UMODL1: variants seen among roughly 807,000 people sequenced by gnomAD.
The protein encoded by UMODL1 is uromodulin like 1.
Under a neutral mutation model 136.3 loss-of-function variants are expected in UMODL1, and 128 were observed. The observed-to-expected ratio is 0.94, with a 90% CI of 0.81 to 1.09. The LOEUF is 1.09. UMODL1 is among the 50% of genes least tolerant of loss of function. The pLI, the probability that UMODL1 is intolerant of heterozygous loss-of-function variation, is 0.00. For synonymous variants in UMODL1, 721 were observed against 720.0 expected (o/e 1.00, Z -0.02); for missense variants, 1,766 against 1,725.6 (o/e 1.02, Z -0.41).
In UMODL1 at chr21:42,127,686, A is replaced by AC; in HGVS notation, c.3546dup (p.Thr1183HisfsTer7). 6.2e-7 allele frequency: 1 copy of AC among 1,613,910 alleles called. No individual in the cohort carries two copies. The highest frequency in any genetic ancestry group is 8.5e-7 in the Non-Finnish European group (1 of 1,179,962). ...TCTCTTCTCAGCTGCCCTGTGCCCA[A>AC]CACATACACCAACGTGATTGAGAAC... On this transcript the variant is annotated frameshift_variant, in exon 20 of 23. Coordinates refer to ENST00000408910, the MANE Select transcript of UMODL1 (RefSeq NM_001004416.3). LOFTEE classifies it high-confidence loss of function.
At chr21:42,119,725 A>G (rs2066945391) in intron 15 of UMODL1, among the ~76,000 whole-genome samples, 1 of 152,196 alleles carries the variant, frequency 6.6e-6, no homozygotes. Flanking sequence ...GACAATTCAG[A>G]TTCTTTTCTC....
At chr21:42,105,796 G>T (rs191791718) in intron 9 of UMODL1, among the ~76,000 whole-genome samples, 2 of 151,952 alleles carry the variant, frequency 1.3e-5, no homozygotes, top group African/African-American at 4.8e-5. Context: ...CTTCGCCTCC[G>T]GAACGGCGGG....
intron 1 of UMODL1, among the ~76,000 whole-genome samples, chr21:42,074,146 C>A (rs2066261473): frequency 1.3e-5 from 2 of 152,224 alleles, no homozygotes; most frequent in South Asian, 4.2e-4. Context: ...AAGTTGCGGG[C>A]AGGGCTGGCT....
chr21:42,087,702 G>GT (rs2066442035), intron 4 of UMODL1, among the ~76,000 whole-genome samples: 1 of 152,206 alleles, frequency 6.6e-6, no homozygotes, highest in Non-Finnish European at 1.5e-5. Context: ...TCTGGCTGCT[G>GT]TATTAGTGTC....
chr21:42,112,546 C>A (rs2066848665), intron 12 of UMODL1, among the ~76,000 whole-genome samples: 1 of 151,108 alleles, frequency 6.6e-6, no homozygotes, highest in East Asian at 1.9e-4. Context: ...TGTTCTGCAC[C>A]CCCAGCTGTT....
upstream of UMODL1, chr21:42,071,201 C>T (rs951596887): frequency 4.4e-6 from 5 of 1,146,480 alleles, no homozygotes; most frequent in Non-Finnish European, 5.7e-6. Flanking sequence ...GCACAGGGGA[C>T]AGAAAGGCCG....
Position 42,110,933 on chromosome 21 carries a change from G to C in UMODL1, c.1711G>C (p.Val571Leu), listed in dbSNP as rs2146502801. ...GGLSAATGVT[V>L]PGLGTGTAAL... is the part of the protein sequence containing the mutation. ...ACTGTCTGCGGCAACAGGGGTAACGGTCCCAGGTCTTGGCACGGGAACAGC... is the reference window on the plus strand; with the variant it reads ...ACTGTCTGCGGCAACAGGGGTAACGCTCCCAGGTCTTGGCACGGGAACAGC... The change falls in exon 11 of 23, where the codon GTC becomes CTC. Residue 571 changes from valine (V) to leucine (L), a missense_variant. Val to Leu is a conservative substitution (Grantham distance 32, BLOSUM62 1). Coordinates refer to ENST00000408910, the MANE Select transcript of UMODL1 (RefSeq NM_001004416.3). 1 of 1,612,928 alleles carries C rather than the reference G, an allele frequency of 6.2e-7. No individual in the cohort carries two copies. Among genetic ancestry groups the C allele is most frequent in the East Asian group, 2.2e-5 (1 of 44,856 alleles).
chr21:42,126,194 TG>T, intron 17 of UMODL1, 150 bp from the exon 18 acceptor site: 1 of 1,196,460 alleles, frequency 8.4e-7, no homozygotes, highest in Non-Finnish European at 1.1e-6. Context: ...AGGCAGTTTA[TG>T]GTTGGGAGAA....
Position 42,113,698 on chromosome 21 carries a change from G to C in UMODL1, c.2230G>C (p.Ala744Pro), listed in dbSNP as rs1303789168. The C allele has an allele frequency of 6.2e-7, 1 of 1,614,106 alleles. No homozygotes were observed. Among genetic ancestry groups the C allele is most frequent in the Non-Finnish European group, 8.5e-7 (1 of 1,180,042 alleles). The change falls in exon 13 of 23, where the codon GCT (alanine) becomes CCT (proline). Residue 744 changes from alanine (A) to proline (P), a missense_variant. By Grantham distance (27) the Ala-to-Pro change is conservative (BLOSUM62 -1). Transcript: ENST00000408910. The part of the protein sequence containing the change: ...QLTLTSMWSP[A>P]VVLETWNTSV... ...CACTCTGACTTCCATGTGGAGCCCT[G>C]CTGTGGTCCTAGAGACCTGGAACAC...
At chr21:42,106,119 G>A (rs116931842) in intron 9 of UMODL1, among the ~76,000 whole-genome samples, 2,325 of 152,240 alleles carry the variant, frequency 0.015, 68 homozygotes, top group East Asian at 0.14. Flanking sequence ...GTGCATGGCC[G>A]GGGAGGCGGC....
At position 42,123,533 on chromosome 21, in the gene UMODL1, CTG is replaced by C. The variant is rs1447118358; in HGVS notation, c.3147+387_3147+388del. Among the ~76,000 whole-genome samples the C allele has an allele frequency of 1.3e-5, 2 of 151,246 alleles. No individual in the cohort carries two copies. Among genetic ancestry groups the C allele is most frequent in the Non-Finnish European group, 2.9e-5 (2 of 67,816 alleles). On this transcript the variant is annotated intron_variant, in intron 17 of 22. Coordinates refer to ENST00000408910, the MANE Select transcript of UMODL1 (RefSeq NM_001004416.3). The surrounding 1 kb of genome is among the most constrained non-coding windows in gnomAD (Gnocchi z 4.4). Reference sequence around the variant, plus strand: ...CATGTGTGCATGTGTCTGAATATGTCTGTGTATGTGGGGGTGTGCATGTGTGT... The same window carrying C: ...CATGTGTGCATGTGTCTGAATATGTCTGTATGTGGGGGTGTGCATGTGTGT...
chr21:42,089,462 A>G (rs977517693), intron 5 of UMODL1, among the ~76,000 whole-genome samples: 9 of 152,252 alleles, frequency 5.9e-5, no homozygotes, highest in Admixed American at 1.3e-4. Flanking sequence ...TTGCAGGAGC[A>G]CACCTGTGGG....
Position 42,099,396 on chromosome 21 carries a change from T to C in UMODL1, c.1186+216T>C, listed in dbSNP as rs1315465325. 1.3e-5 allele frequency among the ~76,000 whole-genome samples: 2 copies of C among 152,144 alleles called. No homozygotes were observed. Among genetic ancestry groups the C allele is most frequent in the Admixed American group, 1.3e-4 (2 of 15,282 alleles). ...TCACTGGCTCCCTCGCTTCCCTACA[T>C]GTCGTCCTGTTAGGGGTTCGTTCTG... On this transcript the variant is annotated intron_variant, in intron 7 of 22. Coordinates refer to ENST00000408910, the MANE Select transcript of UMODL1 (RefSeq NM_001004416.3). This position sits in a 1 kb window ranked among gnomAD's most constrained non-coding sequence, Gnocchi z 4.1.
At chr21:42,065,129 G>A (rs915590108) in intron 1 of UMODL1, among the ~76,000 whole-genome samples, 5 of 152,166 alleles carry the variant, frequency 3.3e-5, no homozygotes, top group South Asian at 2.1e-4. Context: ...GAAAGACTCC[G>A]CGCCTTGGGA....
intron 5 of UMODL1, 50 bp downstream of exon 5, chr21:42,088,530 G>A (rs370735018): frequency 7.2e-6 from 11 of 1,526,536 alleles, no homozygotes; most frequent in Middle Eastern, 3.5e-4. Context: ...GGTGGTGCCT[G>A]AACAGCCAAA....
intron 18 of UMODL1, among the ~76,000 whole-genome samples, chr21:42,126,783 C>A (rs533718632): frequency 8.0e-4 from 122 of 152,332 alleles, no homozygotes; most frequent in African/African-American, 2.7e-3. Context: ...ATGGACCCCC[C>A]ACCTTCCACT....
intron 1 of UMODL1, among the ~76,000 whole-genome samples, chr21:42,074,553 C>G (rs2066266149): frequency 6.6e-6 from 1 of 152,046 alleles, no homozygotes; most frequent in Non-Finnish European, 1.5e-5. Flanking sequence ...TGTCATGGGG[C>G]CAGGGGTCTC....
intron 1 of UMODL1, among the ~76,000 whole-genome samples, chr21:42,071,615 C>G (rs1302189495): frequency 1.3e-5 from 2 of 152,036 alleles, no homozygotes; most frequent in East Asian, 1.9e-4. Context: ...GAGGACTCCC[C>G]CAGTGGGAAC....
At chr21:42,111,267 G>A (rs1265424726) in intron 11 of UMODL1, 146 bp downstream of exon 11, 2 of 1,415,982 alleles carry the variant, frequency 1.4e-6, no homozygotes, top group Non-Finnish European at 1.9e-6. Context: ...AGCCAGGGGA[G>A]CCCCAGCCAG....
Sources: gnomAD v4.1 joint callset for allele counts (sites outside exome capture counted in the v4.1 genomes callset) on GRCh38, gnomAD v4.1.1 for gene constraint, Gnocchi (gnomAD v3.1) non-coding constraint, MANE v1.5 for transcripts, NCBI Gene and HGNC (gene_info 2026-07-23, HGNC 2026-07-21) for gene names.